The following FRMD4A variants were observed in gnomAD, a reference collection of about 807,000 sequenced individuals.
The protein encoded by FRMD4A is FERM domain containing 4A, also known as FERM domain-containing protein 4A.
In FRMD4A, 29 loss-of-function variants were observed where a neutral mutation model predicts 129.1. That is an observed-to-expected ratio of 0.22 (90% CI 0.17 to 0.31). FRMD4A has a LOEUF of 0.31. FRMD4A is among the 10% of genes least tolerant of loss of function. FRMD4A has a pLI of 1.00. For missense variants in FRMD4A, 1,272 were observed against 1,375.8 expected (o/e 0.92, Z 1.19); for synonymous variants, 634 against 571.6 (o/e 1.11, Z -1.56).
chr10:14,205,155 GA>G (rs1375910243), intron 2 of FRMD4A, among the ~76,000 whole-genome samples: 4 of 150,388 alleles, frequency 2.7e-5, no homozygotes, highest in Non-Finnish European at 4.4e-5. Context: ...TTAGCCATAG[GA>G]AAAAAAATTC....
chr10:13,786,428 A>T (rs2092864715), intron 5 of FRMD4A, among the ~76,000 whole-genome samples: 1 of 152,160 alleles, frequency 6.6e-6, no homozygotes, highest in Non-Finnish European at 1.5e-5. Context: ...AACATGGTGA[A>T]AGCCTGTCTC....
intron 2 of FRMD4A, among the ~76,000 whole-genome samples, chr10:13,953,088 C>T (rs2095384820): frequency 1.3e-5 from 2 of 152,142 alleles, no homozygotes; most frequent in Non-Finnish European, 2.9e-5. Flanking sequence ...GATGTGAGGA[C>T]TAAATTATCT....
chr10:14,202,959 G>C (rs1267793314), intron 2 of FRMD4A, among the ~76,000 whole-genome samples: 1 of 152,076 alleles, frequency 6.6e-6, no homozygotes, highest in Non-Finnish European at 1.5e-5. Flanking sequence ...TTTTCGTAGA[G>C]ACAGGGTTTT....
At chr10:13,665,569 A>C (rs7095861) in intron 18 of FRMD4A, among the ~76,000 whole-genome samples, 7,008 of 152,226 alleles carry the variant, frequency 0.046, 469 homozygotes, top group African/African-American at 0.14. Flanking sequence ...TTCCTAACCC[A>C]TGACTGGAGC....
At chr10:13,810,625 T>C (rs1202575574) in intron 4 of FRMD4A, among the ~76,000 whole-genome samples, 189 bp downstream of exon 4, 1 of 152,198 alleles carries the variant, frequency 6.6e-6, no homozygotes, top group Non-Finnish European at 1.5e-5. Flanking sequence ...ATCACCCTAA[T>C]TATATCCTTT....
At chr10:13,961,057 CT>C (rs1360742516) in intron 2 of FRMD4A, among the ~76,000 whole-genome samples, 1 of 152,168 alleles carries the variant, frequency 6.6e-6, no homozygotes, top group African/African-American at 2.4e-5. Flanking sequence ...TTGATGACCC[CT>C]ATAATAAAAA....
At chr10:14,169,249 C>A (rs1388654675) in intron 2 of FRMD4A, among the ~76,000 whole-genome samples, 1 of 152,044 alleles carries the variant, frequency 6.6e-6, no homozygotes, top group Non-Finnish European at 1.5e-5. Flanking sequence ...ATCTTGGATG[C>A]TAATCTGCCA....
At chr10:13,950,193 G>C (rs1224565063) in intron 2 of FRMD4A, among the ~76,000 whole-genome samples, 1 of 152,168 alleles carries the variant, frequency 6.6e-6, no homozygotes, top group African/African-American at 2.4e-5. Flanking sequence ...GTGGCTTTAG[G>C]GGATGCTAAA....
intron 2 of FRMD4A, among the ~76,000 whole-genome samples, chr10:14,160,775 C>T (rs977734635): frequency 2.6e-5 from 4 of 152,098 alleles, no homozygotes; most frequent in Admixed American, 2.6e-4. Context: ...ACAAGCTCTC[C>T]GGAAGCCAGA....
At chr10:13,648,614 C>T (rs952637864) in intron 24 of FRMD4A, 1 of 152,158 alleles carries the variant, frequency 6.6e-6, no homozygotes, top group African/African-American at 2.4e-5. Flanking sequence ...GTCATTTCCT[C>T]CTGAGAACTA....
chr10:13,859,032 G>C lies in FRMD4A; in HGVS notation c.46-120C>G, dbSNP rs530577049. ...CTGGGCAAAACTTCCTCTGGGAGTC[G>C]GCACTGTATAATGCCAGGAGTTGGA... On this transcript the variant is annotated intron_variant, in intron 2 of 24. Transcript: ENST00000357447. 85 of 725,768 alleles carry C rather than the reference G, an allele frequency of 1.2e-4. No homozygotes were observed. In the South Asian group the frequency reaches 1.2e-3, roughly 11 times the overall value. 45.0% of individuals were successfully genotyped at this position (725,768 alleles called of 1,614,324 possible). A position where few individuals can be genotyped will look rare whatever the true frequency, so the allele number is the denominator to read the frequency against.
At chr10:13,794,435 C>T (rs1394624920) in intron 5 of FRMD4A, among the ~76,000 whole-genome samples, 1 of 147,846 alleles carries the variant, frequency 6.8e-6, no homozygotes, top group African/African-American at 2.5e-5. Context: ...AGGAAGAAGA[C>T]AGAAGACTTC....
intron 21 of FRMD4A, 121 bp from the exon 22 acceptor site, chr10:13,657,643 C>T: frequency 7.3e-7 from 1 of 1,362,178 alleles, no homozygotes; most frequent in Non-Finnish European, 9.6e-7. Flanking sequence ...AGGCCCCAGC[C>T]CAGCAAGCCA....
At chr10:14,280,253 G>T (rs1845474904) in intron 2 of FRMD4A, among the ~76,000 whole-genome samples, 1 of 152,144 alleles carries the variant, frequency 6.6e-6, no homozygotes, top group African/African-American at 2.4e-5. Context: ...GCATCTTGGT[G>T]ATCCCCTTCC....
intron 2 of FRMD4A, among the ~76,000 whole-genome samples, chr10:14,114,999 G>A (rs1008199199): frequency 6.6e-6 from 1 of 152,104 alleles, no homozygotes; most frequent in African/African-American, 2.4e-5. Flanking sequence ...TGGGCACACA[G>A]TGACATAAGA....
intron 2 of FRMD4A, among the ~76,000 whole-genome samples, chr10:13,921,598 A>G (rs2095074206): frequency 6.6e-6 from 1 of 152,146 alleles, no homozygotes; most frequent in Non-Finnish European, 1.5e-5. Flanking sequence ...ACCATTCATG[A>G]GGGCTCAGCA....
At chr10:13,801,375 C>T (rs1273923775) in intron 4 of FRMD4A, among the ~76,000 whole-genome samples, 1 of 152,242 alleles carries the variant, frequency 6.6e-6, no homozygotes, top group Non-Finnish European at 1.5e-5. Context: ...GAATTTCCTT[C>T]CTCCACTTCC....
At chr10:14,012,374 G>A (rs2095685337) in intron 2 of FRMD4A, among the ~76,000 whole-genome samples, 1 of 152,280 alleles carries the variant, frequency 6.6e-6, no homozygotes, top group South Asian at 2.1e-4. Flanking sequence ...TAAAACCCTG[G>A]AAGGAAAATG....
intron 2 of FRMD4A, among the ~76,000 whole-genome samples, chr10:13,955,900 C>T (rs193191427): frequency 9.7e-4 from 147 of 152,272 alleles, no homozygotes; most frequent in African/African-American, 3.3e-3. Context: ...AGGAATATTC[C>T]GGTATTTTCC....
Sources: allele counts gnomAD v4.1 joint callset (sites outside exome capture counted in the v4.1 genomes callset), GRCh38; gene constraint gnomAD v4.1.1; transcripts MANE v1.5; gene names NCBI Gene and HGNC (gene_info 2026-07-23, HGNC 2026-07-21).